The following RBMS1 variants were observed in gnomAD, a reference collection of about 807,000 sequenced individuals.
RBMS1 encodes RNA-binding motif, single-stranded-interacting protein 1.
A neutral mutation model predicts 62.3 loss-of-function variants in RBMS1; 17 were observed. The observed-to-expected ratio is 0.27, with a 90% confidence interval of 0.19 to 0.41. The LOEUF is 0.41. Among genes scored for constraint, RBMS1 ranks in the 10% least tolerant of loss-of-function variants. The pLI, the probability that RBMS1 is intolerant of heterozygous loss-of-function variation, is 1.00. For synonymous variants in RBMS1, 172 were observed against 170.0 expected, an observed-to-expected ratio of 1.01 and a Z score of -0.09; for missense variants, 334 against 504.5, an observed-to-expected ratio of 0.66 and a Z score of 3.24.
intron 3 of RBMS1, 89 bp from the exon 4 acceptor site, chr2:160,313,336 T>C (rs1417335106): frequency 2.4e-6 from 3 of 1,261,556 alleles, no homozygotes; most frequent in Non-Finnish European, 3.3e-6. Flanking sequence ...GTTTCTGGTG[T>C]GGGCAAGAGA....
At chr2:160,448,326 G>A (rs901005192) in intron 1 of RBMS1, among the ~76,000 whole-genome samples, 2 of 110,058 alleles carry the variant, frequency 1.8e-5, no homozygotes, top group African/African-American at 3.5e-5. Flanking sequence ...CTCTTTGCAC[G>A]GTCTCCCTCT....
At chr2:160,319,869 G>A (rs181399562) in intron 2 of RBMS1, among the ~76,000 whole-genome samples, 9 of 152,086 alleles carry the variant, frequency 5.9e-5, no homozygotes, top group Non-Finnish European at 1.0e-4. Context: ...GTGTAATCAT[G>A]TAATCAAATG....
At chr2:160,392,108 CT>C (rs1694895768) in intron 1 of RBMS1, among the ~76,000 whole-genome samples, 1 of 152,192 alleles carries the variant, frequency 6.6e-6, no homozygotes, top group Non-Finnish European at 1.5e-5. Flanking sequence ...TTAACCAAAC[CT>C]ATGAATCAGA....
chr2:160,316,496 T>C (rs747244130), intron 3 of RBMS1, among the ~76,000 whole-genome samples: 7 of 152,136 alleles, frequency 4.6e-5, no homozygotes, highest in Non-Finnish European at 7.4e-5. Flanking sequence ...CTATGGACCC[T>C]TACCAACTGT....
intron 1 of RBMS1, among the ~76,000 whole-genome samples, chr2:160,412,709 T>A (rs956740748): frequency 6.6e-6 from 1 of 152,202 alleles, no homozygotes; most frequent in African/African-American, 2.4e-5. Context: ...CAATATTGGA[T>A]ATAACATGGG....
At chr2:160,288,757 G>T (rs1354966856) in intron 6 of RBMS1, among the ~76,000 whole-genome samples, 1 of 152,166 alleles carries the variant, frequency 6.6e-6, no homozygotes, top group Non-Finnish European at 1.5e-5. Flanking sequence ...TACATAGTGG[G>T]TCTTCTCTAA....
chr2:160,302,196 T>C (rs1188666423), intron 5 of RBMS1, among the ~76,000 whole-genome samples: 2 of 151,774 alleles, frequency 1.3e-5, no homozygotes, highest in Non-Finnish European at 2.9e-5. Flanking sequence ...ATAACTAGAC[T>C]TTTAGACTTT....
At chr2:160,390,972 G>A (rs1175562910) in intron 1 of RBMS1, among the ~76,000 whole-genome samples, 1 of 151,396 alleles carries the variant, frequency 6.6e-6, no homozygotes, top group Non-Finnish European at 1.5e-5. Context: ...AAGCTAATGT[G>A]ACCACAAGTG....
intron 8 of RBMS1, 34 bp downstream of exon 8, chr2:160,284,961 C>T: frequency 1.2e-6 from 2 of 1,600,954 alleles, no homozygotes; most frequent in Non-Finnish European, 1.7e-6. Flanking sequence ...CACATTTTCC[C>T]TCAAGCCATT....
chr2:160,313,103 G>T, intron 4 of RBMS1, 53 bp downstream of exon 4: 1 of 1,547,416 alleles, frequency 6.5e-7, no homozygotes, highest in Non-Finnish European at 8.9e-7. Context: ...GACCTGTCGG[G>T]CTTCACAACC....
chr2:160,419,764 A>T (rs1574034982), intron 1 of RBMS1, among the ~76,000 whole-genome samples: 1 of 152,222 alleles, frequency 6.6e-6, no homozygotes, highest in Admixed American at 6.5e-5. Context: ...TAACTACTTT[A>T]TCTGCCCATT....
At chr2:160,275,761 C>G (rs765477379) in intron 12 of RBMS1, 47 bp from the exon 13 acceptor site, 22 of 1,611,716 alleles carry the variant, frequency 1.4e-5, no homozygotes, top group Non-Finnish European at 1.9e-5. Flanking sequence ...GTGAAAAAAC[C>G]TCAGCTCTGC....
intron 1 of RBMS1, among the ~76,000 whole-genome samples, chr2:160,379,146 T>G (rs1055253307): frequency 1.3e-5 from 2 of 151,834 alleles, no homozygotes; most frequent in African/African-American, 4.8e-5. Flanking sequence ...TTGAGCCCAG[T>G]TGGCAGAGGT....
chr2:160,277,976 C>T (rs757251036), intron 11 of RBMS1: 9 of 157,666 alleles, frequency 5.7e-5, no homozygotes, highest in African/African-American at 1.2e-4. Flanking sequence ...AAGGGGAAAA[C>T]GCACCACCCT....
chr2:160,443,096 C>G (rs1292300774), intron 1 of RBMS1, among the ~76,000 whole-genome samples: 1 of 151,724 alleles, frequency 6.6e-6, no homozygotes, highest in East Asian at 1.9e-4. Flanking sequence ...ATCCCAACTA[C>G]TTGGGAGGCT....
intron 1 of RBMS1, among the ~76,000 whole-genome samples, chr2:160,380,372 G>T (rs1694219254): frequency 6.6e-6 from 1 of 152,064 alleles, no homozygotes; most frequent in East Asian, 1.9e-4. Flanking sequence ...GTGGACCCCT[G>T]CCCAGAGGAC....
intron 2 of RBMS1, among the ~76,000 whole-genome samples, chr2:160,349,990 T>C (rs544771914): frequency 2.0e-5 from 3 of 151,882 alleles, no homozygotes; most frequent in South Asian, 4.2e-4. Flanking sequence ...GGAGGAGCAG[T>C]GCAGGCAGAG....
intron 2 of RBMS1, among the ~76,000 whole-genome samples, chr2:160,319,098 C>T (rs1281070710): frequency 6.6e-6 from 1 of 152,070 alleles, no homozygotes; most frequent in Non-Finnish European, 1.5e-5. Flanking sequence ...AAATATGAAC[C>T]GAACCCCACA....
chr2:160,422,148 CA>C (rs1224488697), intron 1 of RBMS1, among the ~76,000 whole-genome samples: 1 of 152,192 alleles, frequency 6.6e-6, no homozygotes, highest in Non-Finnish European at 1.5e-5. Flanking sequence ...GCAGACATTT[CA>C]GTTTGTTAAA....
Sources: gnomAD v4.1 joint callset for allele counts (sites outside exome capture counted in the v4.1 genomes callset) on GRCh38, gnomAD v4.1.1 for gene constraint, MANE v1.5 for transcripts, NCBI Gene and HGNC (gene_info 2026-07-23, HGNC 2026-07-21) for gene names.